The following GPC6 variants were observed in gnomAD, a reference collection of about 807,000 sequenced individuals.
The protein encoded by GPC6 is glypican 6, also known as glypican-6.
GPC6 carries 14 observed loss-of-function variants against 55.2 expected under a neutral mutation model. The ratio of observed to expected loss-of-function variants is 0.25; its 90% CI spans 0.17 to 0.40. GPC6 has a LOEUF of 0.40. Ranked by LOEUF, GPC6 falls within the 10% of genes least tolerant of loss-of-function variation. GPC6 has a pLI of 1.00. For missense variants in GPC6, 641 were observed against 708.5 expected, an observed-to-expected ratio of 0.90 and a Z score of 1.08; for synonymous variants, 278 against 259.6, an observed-to-expected ratio of 1.07 and a Z score of -0.68.
chr13:93,304,930 T>C (rs970247413), intron 1 of GPC6, among the ~76,000 whole-genome samples: 1 of 152,216 alleles, frequency 6.6e-6, no homozygotes, highest in Non-Finnish European at 1.5e-5. Flanking sequence ...ACCTTTGTGC[T>C]GGCAGAGAAC....
At chr13:93,725,926 A>T (rs1041154638) in intron 2 of GPC6, among the ~76,000 whole-genome samples, 2 of 152,086 alleles carry the variant, frequency 1.3e-5, no homozygotes, top group Non-Finnish European at 2.9e-5. Flanking sequence ...CCAATAGAAA[A>T]CAAGACAGAC....
chr13:93,553,009 T>C (rs955630253), intron 2 of GPC6, among the ~76,000 whole-genome samples: 6 of 152,222 alleles, frequency 3.9e-5, no homozygotes, highest in Admixed American at 3.9e-4. Flanking sequence ...ATTTTTGTCT[T>C]CTGACTGGAG....
chr13:93,494,808 T>C (rs1880190008), intron 1 of GPC6, among the ~76,000 whole-genome samples: 1 of 149,368 alleles, frequency 6.7e-6, no homozygotes, highest in African/African-American at 2.5e-5. Flanking sequence ...GATATGAAAT[T>C]CTGGGTTGAA....
At chr13:93,682,105 A>G (rs1160775685) in intron 2 of GPC6, among the ~76,000 whole-genome samples, 2 of 152,188 alleles carry the variant, frequency 1.3e-5, no homozygotes, top group African/African-American at 2.4e-5. Flanking sequence ...CACTGAATAG[A>G]CTGCTAGATA....
chr13:93,589,789 A>T (rs1594291867), intron 2 of GPC6, among the ~76,000 whole-genome samples: 3 of 152,200 alleles, frequency 2.0e-5, no homozygotes, highest in Admixed American at 1.3e-4. Context: ...TGGTTATTCC[A>T]TGGAGAGCTG....
intron 3 of GPC6, among the ~76,000 whole-genome samples, chr13:93,895,777 T>C (rs79650467): frequency 0.064 from 9,704 of 152,136 alleles, 946 homozygotes; most frequent in African/African-American, 0.21. Context: ...CCCACAGGTA[T>C]GATCTGATGG....
intron 6 of GPC6, among the ~76,000 whole-genome samples, chr13:94,308,261 T>C (rs903837808): frequency 6.6e-6 from 1 of 152,224 alleles, no homozygotes; most frequent in African/African-American, 2.4e-5. Context: ...GACAATGTTT[T>C]TGCAGCTTAG....
At chr13:93,984,408 C>T (rs1030590778) in intron 3 of GPC6, among the ~76,000 whole-genome samples, 2 of 151,958 alleles carry the variant, frequency 1.3e-5, no homozygotes, top group African/African-American at 4.8e-5. Flanking sequence ...ATGAATGGCT[C>T]AAAACTGAAA....
intron 3 of GPC6, among the ~76,000 whole-genome samples, chr13:94,007,403 A>G (rs532531869): frequency 6.6e-6 from 1 of 152,332 alleles, no homozygotes; most frequent in South Asian, 2.1e-4. Context: ...GGAGATAGAC[A>G]GTGAACACAT....
chr13:94,032,180 T>C (rs917573275), intron 4 of GPC6, among the ~76,000 whole-genome samples: 5 of 152,176 alleles, frequency 3.3e-5, no homozygotes, highest in Admixed American at 3.3e-4. Flanking sequence ...CTACCCCAGT[T>C]AGCAAAGACC....
chr13:93,941,205 G>A (rs1878720370), intron 3 of GPC6, among the ~76,000 whole-genome samples: 1 of 152,118 alleles, frequency 6.6e-6, no homozygotes, highest in African/African-American at 2.4e-5. Flanking sequence ...CCCTTGAGCA[G>A]CAACATAAAA....
intron 1 of GPC6, among the ~76,000 whole-genome samples, chr13:93,295,290 CAAAAA>C (rs67379652): frequency 1.3e-3 from 84 of 66,674 alleles, no homozygotes; most frequent in South Asian, 3.7e-3. Flanking sequence ...GACCCTGTCT[CAAAAA>C]AAAAAAAAAA....
intron 6 of GPC6, among the ~76,000 whole-genome samples, chr13:94,311,916 T>C (rs1056622106): frequency 2.0e-5 from 3 of 152,198 alleles, no homozygotes; most frequent in Non-Finnish European, 4.4e-5. Flanking sequence ...ATTGGTCCCA[T>C]TGATAACTAA....
intron 6 of GPC6, among the ~76,000 whole-genome samples, chr13:94,307,538 C>G (rs1876013504): frequency 6.6e-6 from 1 of 152,148 alleles, no homozygotes; most frequent in African/African-American, 2.4e-5. Flanking sequence ...GTCTCGAACT[C>G]TTGAGCTCAA....
chr13:93,716,581 C>T (rs1347247257), intron 2 of GPC6, among the ~76,000 whole-genome samples: 2 of 151,372 alleles, frequency 1.3e-5, no homozygotes, highest in Non-Finnish European at 3.0e-5. Context: ...AGCTGTACAA[C>T]GTTTTTGTGT....
At chr13:93,287,449 T>C (rs1255703037) in intron 1 of GPC6, among the ~76,000 whole-genome samples, 1 of 152,178 alleles carries the variant, frequency 6.6e-6, no homozygotes, top group Non-Finnish European at 1.5e-5. Context: ...CACCCAGGAA[T>C]TGGCCAGCAA....
intron 1 of GPC6, among the ~76,000 whole-genome samples, chr13:93,335,946 A>G (rs1326836933): frequency 1.3e-5 from 2 of 152,236 alleles, no homozygotes; most frequent in East Asian, 1.9e-4. Flanking sequence ...GGCACAAAAC[A>G]TATAATACAG....
chr13:93,730,297 A>G (rs9301901), intron 2 of GPC6, among the ~76,000 whole-genome samples: 7,693 of 152,238 alleles, frequency 0.051, 398 homozygotes, highest in East Asian at 0.29. Context: ...AGACAGTTGA[A>G]TATATTAAGG....
chr13:93,501,189 G>A (rs982586462), intron 1 of GPC6, among the ~76,000 whole-genome samples: 2 of 152,088 alleles, frequency 1.3e-5, no homozygotes, highest in African/African-American at 2.4e-5. Flanking sequence ...CATAAAGATA[G>A]TTGGTAGTGG....
Sources: gnomAD v4.1 joint callset for allele counts (sites outside exome capture counted in the v4.1 genomes callset) on GRCh38, gnomAD v4.1.1 for gene constraint, MANE v1.5 for transcripts, NCBI Gene and HGNC (gene_info 2026-07-23, HGNC 2026-07-21) for gene names.